CYYR1: variants seen among roughly 807,000 people sequenced by gnomAD.
CYYR1 encodes cysteine and tyrosine-rich protein 1.
CYYR1 carries 14 observed loss-of-function variants against 15.2 expected under a neutral mutation model. The observed-to-expected ratio is 0.92, with a 90% CI of 0.61 to 1.44. The LOEUF (loss-of-function observed/expected upper bound fraction) is 1.44. CYYR1 is among the 40% of genes most tolerant of loss of function. The pLI is 0.00. For synonymous variants in CYYR1, 80 were observed against 77.4 expected (o/e 1.03, Z -0.18); for missense variants, 228 against 209.5 (o/e 1.09, Z -0.54).
At chr21:26,495,863 G>A (rs1287663479) in intron 2 of CYYR1, among the ~76,000 whole-genome samples, 1 of 152,184 alleles carries the variant, frequency 6.6e-6, no homozygotes, top group African/African-American at 2.4e-5. Flanking sequence ...GAAACAAAAT[G>A]GAAGCACTAC....
chr21:26,561,381 C>T (rs975798415), intron 2 of CYYR1, among the ~76,000 whole-genome samples: 2 of 151,524 alleles, frequency 1.3e-5, no homozygotes, highest in Non-Finnish European at 2.9e-5. Flanking sequence ...TTTGAATAGC[C>T]TTACCTGATT....
At chr21:26,544,561 G>A (rs986171025) in intron 2 of CYYR1, among the ~76,000 whole-genome samples, 9 of 152,232 alleles carry the variant, frequency 5.9e-5, no homozygotes, top group African/African-American at 2.2e-4. Context: ...TTGACTTACA[G>A]AACTAAATTT....
intron 2 of CYYR1, among the ~76,000 whole-genome samples, chr21:26,495,633 C>G (rs1011858913): frequency 6.6e-6 from 1 of 152,110 alleles, no homozygotes; most frequent in African/African-American, 2.4e-5. Context: ...GGAGGGCCAG[C>G]CCACAATATG....
At chr21:26,524,785 C>T in intron 2 of CYYR1, among the ~76,000 whole-genome samples, 1 of 103,566 alleles carries the variant, frequency 9.7e-6, no homozygotes, top group East Asian at 3.9e-4. Flanking sequence ...CTTTGCTCCA[C>T]ATATTTTGTT....
At chr21:26,480,540 G>A (rs2065163651) in intron 2 of CYYR1, 111 bp from the exon 3 acceptor site, 2 of 1,146,006 alleles carry the variant, frequency 1.7e-6, no homozygotes, top group Non-Finnish European at 2.4e-6. Context: ...TGTTCTTAAG[G>A]ATAATGTGTG....
intron 2 of CYYR1, among the ~76,000 whole-genome samples, chr21:26,523,510 C>T (rs981099811): frequency 1.1e-4 from 16 of 152,200 alleles, no homozygotes; most frequent in African/African-American, 2.7e-4. Flanking sequence ...CTCTGCATTG[C>T]GGTCTGCCGG....
intron 2 of CYYR1, among the ~76,000 whole-genome samples, chr21:26,492,641 C>G (rs138552189): frequency 4.6e-5 from 7 of 152,072 alleles, no homozygotes; most frequent in African/African-American, 1.7e-4. Context: ...AAGTCAGAAA[C>G]GTACCTTTGG....
intron 2 of CYYR1, among the ~76,000 whole-genome samples, chr21:26,529,848 A>G (rs1472016267): frequency 6.6e-6 from 1 of 152,222 alleles, no homozygotes; most frequent in Non-Finnish European, 1.5e-5. Flanking sequence ...CACAGAGGTT[A>G]CAGAGTTAGC....
At chr21:26,557,337 A>G (rs1476636062) in intron 2 of CYYR1, among the ~76,000 whole-genome samples, 1 of 152,182 alleles carries the variant, frequency 6.6e-6, no homozygotes, top group African/African-American at 2.4e-5. Context: ...AGGTAATCTG[A>G]TTTGGAAACA....
rs185688108 is a variant in CYYR1, at chr21:26,535,112, G to A, written c.176+31154C>T. ...CCGGGGACTACTGTGGGGGTGTTTG[G>A]GGGAAGGGAGCAAATGTTGAAAAAC... On this transcript the variant is annotated intron_variant, in intron 2 of 3. Coordinates refer to ENST00000652641, the MANE Select transcript of CYYR1 (RefSeq NM_001320768.2). 2.0e-5 allele frequency among the ~76,000 whole-genome samples: 3 copies of A among 152,186 alleles called. No individual in the cohort carries two copies. In the East Asian group the frequency reaches 5.8e-4, roughly 29 times the overall value.
intron 2 of CYYR1, among the ~76,000 whole-genome samples, chr21:26,557,038 A>G (rs1979840363): frequency 6.6e-6 from 1 of 152,144 alleles, no homozygotes; most frequent in African/African-American, 2.4e-5. Context: ...AGTATGTCTC[A>G]TTTTAAATGC....
intron 3 of CYYR1, among the ~76,000 whole-genome samples, chr21:26,473,038 T>C (rs776592821): frequency 9.2e-5 from 14 of 152,308 alleles, no homozygotes; most frequent in Non-Finnish European, 1.2e-4. Context: ...AATTTTTATA[T>C]TCTTTTGCTA....
chr21:26,525,287 A>C (rs552632316), intron 2 of CYYR1, among the ~76,000 whole-genome samples: 1 of 152,062 alleles, frequency 6.6e-6, no homozygotes. Context: ...AGAATATTAA[A>C]AAATATTATT....
intron 1 of CYYR1, among the ~76,000 whole-genome samples, chr21:26,567,683 T>C (rs1980732748): frequency 6.6e-6 from 1 of 152,052 alleles, no homozygotes; most frequent in Non-Finnish European, 1.5e-5. Context: ...TTAATTATTA[T>C]ATAAATTATA....
intron 2 of CYYR1, among the ~76,000 whole-genome samples, chr21:26,486,998 T>A (rs567515632): frequency 2.6e-4 from 39 of 152,102 alleles, no homozygotes; most frequent in Non-Finnish European, 4.4e-4. Context: ...ATATTCTATG[T>A]AATAATTTAG....
chr21:26,568,352 A>C (rs1980785236), intron 1 of CYYR1: 1 of 152,224 alleles, frequency 6.6e-6, no homozygotes. Context: ...AGCAAAAATA[A>C]GCAATGGGGA....
chr21:26,544,183 C>T (rs925497864), intron 2 of CYYR1, among the ~76,000 whole-genome samples: 12 of 152,252 alleles, frequency 7.9e-5, no homozygotes, highest in African/African-American at 1.9e-4. Flanking sequence ...ATTTAAAGCT[C>T]ACTTCTACTA....
chr21:26,505,984 T>C (rs746122015), intron 2 of CYYR1, among the ~76,000 whole-genome samples: 14 of 152,164 alleles, frequency 9.2e-5, no homozygotes, highest in Non-Finnish European at 1.6e-4. Flanking sequence ...AATATATACA[T>C]ATTAAATATG....
chr21:26,468,321 T>C lies in CYYR1; in HGVS notation c.*180A>G. 1.6e-6 allele frequency: 1 copy of C among 638,450 alleles called. No individual in the cohort carries two copies. The highest frequency in any genetic ancestry group is 1.8e-5 in the African/African-American group (1 of 55,650). The allele number at this position is 638,450 out of a possible 1,614,324, so 39.5% of individuals were successfully genotyped here. Reference sequence around the variant, plus strand: ...TAGAACCAAACATTAATACTCCAGATGGGGTCAGCTTTGAGCAGAGTAGAA... The same window carrying C: ...TAGAACCAAACATTAATACTCCAGACGGGGTCAGCTTTGAGCAGAGTAGAA... On this transcript the variant is annotated 3_prime_UTR_variant, in exon 4 of 4. Coordinates refer to ENST00000652641, the MANE Select transcript of CYYR1 (RefSeq NM_001320768.2).
Sources: gnomAD v4.1 joint callset for allele counts (sites outside exome capture counted in the v4.1 genomes callset) on GRCh38, gnomAD v4.1.1 for gene constraint, MANE v1.5 for transcripts, NCBI Gene and HGNC (gene_info 2026-07-23, HGNC 2026-07-21) for gene names.